SLC45A4: variants seen among roughly 807,000 people sequenced by gnomAD.
SLC45A4 encodes the protein solute carrier family 45 member 4.
SLC45A4 carries 32 observed loss-of-function variants against 63.7 expected under a neutral mutation model. That is an observed-to-expected ratio of 0.50 (90% CI 0.38 to 0.67). The LOEUF is 0.67. Ranked by LOEUF, SLC45A4 falls within the 30% of genes least tolerant of loss-of-function variation. The pLI is 0.00. For synonymous variants in SLC45A4, 535 were observed against 510.0 expected (o/e 1.05, Z -0.66); for missense variants, 1,027 against 1,157.7 (o/e 0.89, Z 1.64).
At chr8:141,212,687 T>A (rs956656121) in intron 7 of SLC45A4, 131 bp from the exon 8 acceptor site, 43 of 1,133,706 alleles carry the variant, frequency 3.8e-5, no homozygotes, top group Non-Finnish European at 4.9e-5. Flanking sequence ...TGGCAACCAC[T>A]CCTGCCTGAG....
At chr8:141,224,176 TCC>T (rs1826836173) in intron 2 of SLC45A4, 1 of 152,206 alleles carries the variant, frequency 6.6e-6, no homozygotes, top group Non-Finnish European at 1.5e-5. Flanking sequence ...ATCCACTGTG[TCC>T]TGAACCCCAT....
At chr8:141,261,727 T>C (rs1829043696) in intron 1 of SLC45A4, among the ~76,000 whole-genome samples, 3 of 151,800 alleles carry the variant, frequency 2.0e-5, no homozygotes, top group South Asian at 4.2e-4. Flanking sequence ...TAAAAGAGGA[T>C]ACAAACAAAT....
intron 1 of SLC45A4, among the ~76,000 whole-genome samples, chr8:141,307,784 T>C (rs1368802441): frequency 1.3e-5 from 1 of 78,794 alleles, no homozygotes; most frequent in Non-Finnish European, 2.3e-5. Flanking sequence ...CGGGTCCAAA[T>C]GAAGGCGCGC....
At chr8:141,230,064 T>A in intron 2 of SLC45A4, 1 of 456,254 alleles carries the variant, frequency 2.2e-6, no homozygotes, top group Non-Finnish European at 4.4e-6. Flanking sequence ...GAAAGTTCTC[T>A]GCAAGTCTAC....
chr8:141,264,738 T>G (rs955725644), intron 1 of SLC45A4, among the ~76,000 whole-genome samples: 1 of 152,232 alleles, frequency 6.6e-6, no homozygotes, highest in African/African-American at 2.4e-5. Context: ...AGTCCTTCCA[T>G]GGTCTTCCAC....
chr8:141,221,453 C>T (rs1826626581), intron 3 of SLC45A4, 124 bp downstream of exon 3: 1 of 1,270,090 alleles, frequency 7.9e-7, no homozygotes, highest in South Asian at 1.5e-5. Flanking sequence ...CCCCGGCAGC[C>T]CAGCCAGGCC....
intron 2 of SLC45A4, among the ~76,000 whole-genome samples, chr8:141,239,934 T>C (rs956161910): frequency 5.3e-5 from 8 of 152,222 alleles, no homozygotes; most frequent in Non-Finnish European, 1.2e-4. Context: ...CAGCACTTAA[T>C]GTATGTTTTA....
chr8:141,230,691 A>G (rs1040599999), intron 2 of SLC45A4, among the ~76,000 whole-genome samples: 90 of 152,102 alleles, frequency 5.9e-4, no homozygotes, highest in African/African-American at 2.2e-3. Context: ...CGGCACCTAT[A>G]CCTGACACTA....
In SLC45A4 at chr8:141,207,800, G is replaced by A. The variant is rs1157915584; in HGVS notation, c.*3772C>T. On this transcript the variant is annotated 3_prime_UTR_variant, in exon 9 of 9. Coordinates refer to ENST00000517878, the MANE Select transcript of SLC45A4 (RefSeq NM_001286646.2). ...GGGCCACCTTGAGCTCTGGCCGGAGGGTGATGGCTGGCTTTGCATGAGGAG... is the reference window on the plus strand; with the variant it reads ...GGGCCACCTTGAGCTCTGGCCGGAGAGTGATGGCTGGCTTTGCATGAGGAG... 6.6e-6 allele frequency: 1 copy of A among 152,466 alleles called. No individual in the cohort carries two copies. Among genetic ancestry groups the A allele is most frequent in the African/African-American group, 2.4e-5 (1 of 41,462 alleles). 9.4% of individuals were successfully genotyped at this position (152,466 alleles called of 1,614,324 possible). A position where few individuals can be genotyped will look rare whatever the true frequency, so the allele number is the denominator to read the frequency against.
intron 1 of SLC45A4, among the ~76,000 whole-genome samples, chr8:141,290,630 T>C (rs547366240): frequency 1.3e-5 from 2 of 152,316 alleles, no homozygotes; most frequent in South Asian, 4.1e-4. Flanking sequence ...ACCCTTGGGA[T>C]TTATCTCCAC....
intron 8 of SLC45A4, 59 bp downstream of exon 8, chr8:141,212,138 G>GGCCC: frequency 7.5e-6 from 5 of 664,736 alleles, no homozygotes; most frequent in South Asian, 6.0e-5. Context: ...TGGCCCCGCC[G>GGCCC]CCCGCCCGCC....
rs1463036871 is a variant in SLC45A4, at chr8:141,229,945, A to G, written c.242-8180T>C. ...TGGTGCGCACAGCTCAGCGCTGGAC[A>G]CTAGATCCCTGCCTGCACTCCCGAG... On this transcript the variant is annotated intron_variant, in intron 2 of 8. Coordinates refer to ENST00000517878, the MANE Select transcript of SLC45A4 (RefSeq NM_001286646.2). The surrounding 1 kb of genome is among the most constrained non-coding windows in gnomAD (Gnocchi z 5.0). The G allele has an allele frequency of 2.4e-6, 1 of 416,638 alleles. No individual in the cohort carries two copies. The highest frequency in any genetic ancestry group is 7.1e-5 in the East Asian group (1 of 14,148). 25.8% of individuals were successfully genotyped at this position (416,638 alleles called of 1,614,324 possible). A position where few individuals can be genotyped will look rare whatever the true frequency, so the allele number is the denominator to read the frequency against.
chr8:141,271,060 T>A (rs1365701442), intron 1 of SLC45A4, among the ~76,000 whole-genome samples: 1 of 152,262 alleles, frequency 6.6e-6, no homozygotes, highest in Non-Finnish European at 1.5e-5. Context: ...ACAAAGGCTC[T>A]GACTGACATC....
intron 2 of SLC45A4, among the ~76,000 whole-genome samples, chr8:141,245,616 T>C (rs1828151033): frequency 6.6e-6 from 1 of 152,108 alleles, no homozygotes; most frequent in Non-Finnish European, 1.5e-5. Flanking sequence ...AGTCACCTGA[T>C]GGCAGACAAC....
At chr8:141,282,047 C>T (rs75081273) in intron 1 of SLC45A4, among the ~76,000 whole-genome samples, 2,290 of 152,306 alleles carry the variant, frequency 0.015, 23 homozygotes, top group Non-Finnish European at 0.025. Context: ...GATTGACCTC[C>T]AATTCCTCAT....
At chr8:141,265,700 T>G (rs1391005607) in intron 1 of SLC45A4, among the ~76,000 whole-genome samples, 1 of 152,238 alleles carries the variant, frequency 6.6e-6, no homozygotes, top group African/African-American at 2.4e-5. Flanking sequence ...TGAGAGCTGC[T>G]GTCGCCTCAG....
Position 141,301,397 on chromosome 8 carries a change from C to G in SLC45A4, c.-401+6699G>C, listed in dbSNP as rs535285074. On this transcript the variant is annotated intron_variant, in intron 1 of 8. Transcript: ENST00000517878. ...CTGGATGTTAACATAGCCTAATGAT[C>G]ACAGAAATGTTTTAAATTGCAATAT... 2.7e-3 allele frequency among the ~76,000 whole-genome samples: 415 copies of G among 152,168 alleles called. 2 individuals are homozygous for G. The highest frequency in any genetic ancestry group is 6.8e-3 in the Middle Eastern group (2 of 294).
At position 141,254,783 on chromosome 8, in the gene SLC45A4, C is replaced by T. The variant is rs1373311417; in HGVS notation, c.-400-154G>A. 2 of 631,022 alleles carry T rather than the reference C, an allele frequency of 3.2e-6. No homozygotes were observed. Among genetic ancestry groups the T allele is most frequent in the African/African-American group, 3.6e-5 (2 of 55,634 alleles). The allele number at this position is 631,022 out of a possible 1,614,324, so 39.1% of individuals were successfully genotyped here. On this transcript the variant is annotated intron_variant, in intron 1 of 8. Coordinates refer to ENST00000517878, the MANE Select transcript of SLC45A4 (RefSeq NM_001286646.2). This position sits in a 1 kb window ranked among gnomAD's most constrained non-coding sequence, Gnocchi z 4.5. ...GCCACTCACTCTGGGTACGTCTGTG[C>T]AAATAACCAAACCTACTTTCTAGAA...
chr8:141,249,491 G>A (rs989837932), intron 2 of SLC45A4, among the ~76,000 whole-genome samples: 4 of 152,206 alleles, frequency 2.6e-5, no homozygotes, highest in African/African-American at 4.8e-5. Flanking sequence ...TGTGATTCCA[G>A]TTACATCAAT....
Sources: gnomAD v4.1 joint callset for allele counts (sites outside exome capture counted in the v4.1 genomes callset) on GRCh38, gnomAD v4.1.1 for gene constraint, Gnocchi (gnomAD v3.1) non-coding constraint, MANE v1.5 for transcripts, NCBI Gene and HGNC (gene_info 2026-07-23, HGNC 2026-07-21) for gene names.